Variants in CLSTN2 observed in about 807,000 individuals in gnomAD.
The protein encoded by CLSTN2 is calsyntenin-2.
A neutral mutation model predicts 101.2 loss-of-function variants in CLSTN2; 48 were observed. That is an observed-to-expected ratio of 0.47 (90% CI 0.38 to 0.60). CLSTN2 has a LOEUF of 0.60. Ranked by LOEUF, CLSTN2 falls within the 20% of genes least tolerant of loss-of-function variation. The pLI, the probability that CLSTN2 is intolerant of heterozygous loss-of-function variation, is 0.00. For synonymous variants in CLSTN2, 481 were observed against 463.6 expected (o/e 1.04, Z -0.48); for missense variants, 1,160 against 1,238.2 (o/e 0.94, Z 0.95).
chr3:140,175,686 C>A (rs2010311687), intron 1 of CLSTN2, among the ~76,000 whole-genome samples: 1 of 152,102 alleles, frequency 6.6e-6, no homozygotes, highest in Non-Finnish European at 1.5e-5. Flanking sequence ...GGTGAAGAAT[C>A]CGTGGTCTTA....
intron 2 of CLSTN2, among the ~76,000 whole-genome samples, chr3:140,380,353 T>A (rs1045747986): frequency 3.5e-4 from 54 of 152,198 alleles, no homozygotes; most frequent in Non-Finnish European, 6.6e-4. Context: ...GGTGCCCTCG[T>A]GTGTGATCTA....
At chr3:140,341,929 T>A (rs974339198) in intron 2 of CLSTN2, among the ~76,000 whole-genome samples, 1 of 152,184 alleles carries the variant, frequency 6.6e-6, no homozygotes, top group Non-Finnish European at 1.5e-5. Context: ...TGCTCTGTTT[T>A]AAAGGGAGCC....
intron 9 of CLSTN2, among the ~76,000 whole-genome samples, chr3:140,542,560 AT>A (rs961461574): frequency 1.6e-4 from 24 of 151,714 alleles, no homozygotes; most frequent in South Asian, 4.2e-4. Flanking sequence ...TATATCTATT[AT>A]TTTTTTTTAA....
intron 1 of CLSTN2, 110 bp from the exon 2 acceptor site, chr3:140,175,841 T>G: frequency 4.9e-6 from 5 of 1,019,206 alleles, no homozygotes; most frequent in Non-Finnish European, 7.1e-6. Context: ...TCTCATGGGA[T>G]TGTTGGATGA....
At chr3:140,563,773 A>G (rs1935970908) in intron 15 of CLSTN2, among the ~76,000 whole-genome samples, 188 bp from the exon 16 acceptor site, 1 of 152,202 alleles carries the variant, frequency 6.6e-6, no homozygotes, top group Non-Finnish European at 1.5e-5. Context: ...TAGGATAGGA[A>G]TTATTATGTC....
At chr3:140,033,098 T>G (rs1308042711) in intron 1 of CLSTN2, among the ~76,000 whole-genome samples, 1 of 152,348 alleles carries the variant, frequency 6.6e-6, no homozygotes, top group South Asian at 2.1e-4. Flanking sequence ...ACTCGCTTCA[T>G]AGAGTTGTTG....
intron 2 of CLSTN2, among the ~76,000 whole-genome samples, chr3:140,207,075 T>C (rs2010793390): frequency 6.6e-6 from 1 of 152,234 alleles, no homozygotes; most frequent in Non-Finnish European, 1.5e-5. Flanking sequence ...AGGAAGATTC[T>C]GACTCCTTTC....
chr3:140,171,891 A>AAT (rs1420250625), intron 1 of CLSTN2, among the ~76,000 whole-genome samples: 2 of 126,510 alleles, frequency 1.6e-5, no homozygotes, highest in Non-Finnish European at 3.2e-5. Context: ...TATATTATAT[A>AAT]ATATATATTA....
chr3:140,391,193 C>T (rs574135239), intron 2 of CLSTN2, among the ~76,000 whole-genome samples: 3 of 152,182 alleles, frequency 2.0e-5, no homozygotes, highest in African/African-American at 4.8e-5. Flanking sequence ...AGAAAGACAA[C>T]AGGCTTTCTA....
chr3:140,403,439 G>A (rs989512265), intron 2 of CLSTN2, among the ~76,000 whole-genome samples, 190 bp from the exon 3 acceptor site: 2 of 152,192 alleles, frequency 1.3e-5, no homozygotes, highest in Admixed American at 1.3e-4. Context: ...GGAGGTCTGG[G>A]TGGGGCCTGG....
At chr3:140,292,645 T>C (rs1181796878) in intron 2 of CLSTN2, among the ~76,000 whole-genome samples, 3 of 152,224 alleles carry the variant, frequency 2.0e-5, no homozygotes. Flanking sequence ...AACTTGGATG[T>C]AAATTCACCT....
At chr3:140,241,824 T>TAC (rs1294837277) in intron 2 of CLSTN2, among the ~76,000 whole-genome samples, 239 of 147,218 alleles carry the variant, frequency 1.6e-3, no homozygotes, top group African/African-American at 5.9e-3. Context: ...TATATATATA[T>TAC]ACACACACAT....
chr3:140,100,307 C>G (rs1430470147), intron 1 of CLSTN2, among the ~76,000 whole-genome samples: 1 of 152,164 alleles, frequency 6.6e-6, no homozygotes, highest in Non-Finnish European at 1.5e-5. Context: ...CCTTCTCCCT[C>G]CCCTCCACCA....
chr3:140,255,191 C>A (rs376559954), intron 2 of CLSTN2, among the ~76,000 whole-genome samples: 1 of 152,138 alleles, frequency 6.6e-6, no homozygotes, highest in Admixed American at 6.6e-5. Flanking sequence ...AATGCTTATA[C>A]GCTGCTGGTG....
intron 2 of CLSTN2, among the ~76,000 whole-genome samples, chr3:140,244,597 A>G (rs1193702696): frequency 2.0e-5 from 3 of 152,196 alleles, no homozygotes; most frequent in African/African-American, 7.2e-5. Flanking sequence ...CCTGGCACAT[A>G]CATAATAGCT....
intron 2 of CLSTN2, among the ~76,000 whole-genome samples, chr3:140,356,655 G>A (rs1013057062): frequency 1.1e-4 from 16 of 151,542 alleles, no homozygotes; most frequent in African/African-American, 3.6e-4. Context: ...CTGCTCAGGA[G>A]GCTGAGGCAG....
At chr3:140,191,569 C>T (rs926488115) in intron 2 of CLSTN2, among the ~76,000 whole-genome samples, 3 of 151,842 alleles carry the variant, frequency 2.0e-5, no homozygotes, top group African/African-American at 7.2e-5. Context: ...AATTCAATTT[C>T]GTTCATAGTT....
At chr3:139,943,574 C>T (rs1326940690) in intron 1 of CLSTN2, among the ~76,000 whole-genome samples, 2 of 152,190 alleles carry the variant, frequency 1.3e-5, no homozygotes, top group Non-Finnish European at 2.9e-5. Context: ...GCCTTGAGAT[C>T]CTGGGGTGTC....
chr3:140,073,362 A>T (rs977705053), intron 1 of CLSTN2, among the ~76,000 whole-genome samples: 1 of 152,210 alleles, frequency 6.6e-6, no homozygotes, highest in Non-Finnish European at 1.5e-5. Flanking sequence ...GTGGATACCC[A>T]TTGAAAATAT....
Sources: allele counts gnomAD v4.1 joint callset (sites outside exome capture counted in the v4.1 genomes callset), GRCh38; gene constraint gnomAD v4.1.1; transcripts MANE v1.5; gene names NCBI Gene and HGNC (gene_info 2026-07-23, HGNC 2026-07-21).